LMCD1: variants seen among roughly 807,000 people sequenced by gnomAD.
LMCD1 encodes the protein LIM and cysteine-rich domains protein 1.
LMCD1 carries 32 observed loss-of-function variants against 42.7 expected under a neutral mutation model. The observed-to-expected ratio is 0.75, with a 90% CI of 0.57 to 1.01. The LOEUF (loss-of-function observed/expected upper bound fraction) is 1.01. Ranked by LOEUF, LMCD1 falls within the 50% of genes least tolerant of loss-of-function variation. The probability of loss-of-function intolerance (pLI) is 0.00; values close to 1 mark genes in which losing one functional copy is unlikely to be tolerated. For missense variants in LMCD1, 458 were observed against 483.1 expected (o/e 0.95, Z 0.49); for synonymous variants, 178 against 184.9 (o/e 0.96, Z 0.30).
At chr3:8,506,582 T>C (rs1009537193) in intron 1 of LMCD1, among the ~76,000 whole-genome samples, 1 of 152,208 alleles carries the variant, frequency 6.6e-6, no homozygotes, top group Non-Finnish European at 1.5e-5. Context: ...AGTATTCAAT[T>C]TGACTTTAGG....
chr3:8,540,504 T>G (rs1265596458), intron 3 of LMCD1, among the ~76,000 whole-genome samples: 3 of 152,210 alleles, frequency 2.0e-5, no homozygotes, highest in Non-Finnish European at 4.4e-5. Context: ...CCACAGCCGA[T>G]GTAAGTGACA....
intron 1 of LMCD1, among the ~76,000 whole-genome samples, chr3:8,520,636 A>G (rs1291271665): frequency 6.6e-6 from 1 of 152,212 alleles, no homozygotes; most frequent in Non-Finnish European, 1.5e-5. Flanking sequence ...TGGCTTTACT[A>G]CATTTTCCGA....
rs1695163687 is a variant in LMCD1 at position 8,568,352 on chromosome 3, G to A, written c.*754G>A. On this transcript the variant is annotated 3_prime_UTR_variant, in exon 6 of 6. Coordinates refer to ENST00000157600, the MANE Select transcript of LMCD1 (RefSeq NM_014583.4). ...TTTATGGTACACTGAAAAGTGGCCT[G>A]CTGGGAACTGATGAGCTTCTCTTTA... 1 of 152,222 alleles carries A rather than the reference G, an allele frequency of 6.6e-6. No homozygotes were observed. The highest frequency in any genetic ancestry group is 1.5e-5 in the Non-Finnish European group (1 of 68,072). 9.4% of individuals were successfully genotyped at this position (152,222 alleles called of 1,614,324 possible).
At chr3:8,513,793 T>C (rs1694046771) in intron 1 of LMCD1, among the ~76,000 whole-genome samples, 1 of 152,208 alleles carries the variant, frequency 6.6e-6, no homozygotes, top group African/African-American at 2.4e-5. Context: ...TCTTTTCCTC[T>C]GGAGGCAGTA....
rs866185946 is a variant in LMCD1 at position 8,568,768 on chromosome 3, G to A, written c.*1170G>A. The stretch of plus-strand genomic sequence containing the variant: ...TTAATTTCTTTCCCACAGTTTCTAA[G>A]AAAAACATATTTTTCTACTGGGAGT... On this transcript the variant is annotated 3_prime_UTR_variant, in exon 6 of 6. Coordinates refer to ENST00000157600, the MANE Select transcript of LMCD1 (RefSeq NM_014583.4). The A allele has an allele frequency of 6.6e-6, 1 of 152,100 alleles. No homozygotes were observed. The highest frequency in any genetic ancestry group is 2.1e-4 in the South Asian group (1 of 4,830). 9.4% of individuals were successfully genotyped at this position (152,100 alleles called of 1,614,324 possible). A position where few individuals can be genotyped will look rare whatever the true frequency, so the allele number is the denominator to read the frequency against.
At chr3:8,559,845 C>T (rs1001020853) in intron 4 of LMCD1, among the ~76,000 whole-genome samples, 1 of 152,178 alleles carries the variant, frequency 6.6e-6, no homozygotes, top group Non-Finnish European at 1.5e-5. Flanking sequence ...CTTACCTGGA[C>T]ATCTTGTTTT....
At chr3:8,545,429 A>G (rs529033453) in intron 3 of LMCD1, among the ~76,000 whole-genome samples, 18 of 152,222 alleles carry the variant, frequency 1.2e-4, no homozygotes, top group African/African-American at 4.3e-4. Context: ...TATTAGCAAA[A>G]TTCATATTTC....
At chr3:8,553,219 C>T (rs1236079652) in intron 4 of LMCD1, among the ~76,000 whole-genome samples, 4 of 152,066 alleles carry the variant, frequency 2.6e-5, no homozygotes, top group Non-Finnish European at 5.9e-5. Flanking sequence ...CCGACACACA[C>T]ACCAGCTGTG....
chr3:8,512,778 T>C (rs1257535363), intron 1 of LMCD1, among the ~76,000 whole-genome samples: 1 of 152,190 alleles, frequency 6.6e-6, no homozygotes, highest in African/African-American at 2.4e-5. Flanking sequence ...AAATTAACTT[T>C]TAAGAGGTAG....
chr3:8,543,440 T>TAGATAGATAGATAGAC lies in LMCD1; in HGVS notation c.388-5125_388-5124insTAGATAGATAGACAGA, dbSNP rs1414608408. On this transcript the variant is annotated intron_variant, in intron 3 of 5. Transcript: ENST00000157600. ...ATAGATAGATAGATAGATAGATAGA[T>TAGATAGATAGATAGAC]AGACAGACAGACAGAGAGATAGACA... Among the ~76,000 whole-genome samples, 379 of 134,210 alleles carry TAGATAGATAGATAGAC rather than the reference T, an allele frequency of 2.8e-3. 5 individuals carry two copies. The highest frequency in any genetic ancestry group is 0.027 in the Middle Eastern group (7 of 256). The allele number at this position is 134,210 out of a possible 152,430, so 88.0% of individuals were successfully genotyped here. A position where few individuals can be genotyped will look rare whatever the true frequency, so the allele number is the denominator to read the frequency against.
At chr3:8,542,753 A>T (rs1037533100) in intron 3 of LMCD1, among the ~76,000 whole-genome samples, 1 of 152,224 alleles carries the variant, frequency 6.6e-6, no homozygotes, top group African/African-American at 2.4e-5. Flanking sequence ...TGTCTCTATC[A>T]CATACTAGCT....
intron 1 of LMCD1, among the ~76,000 whole-genome samples, chr3:8,504,265 G>A (rs191553013): frequency 1.3e-5 from 2 of 152,298 alleles, no homozygotes; most frequent in East Asian, 1.9e-4. Flanking sequence ...TAAGTACTAC[G>A]TGATATCAGC....
rs184241040 is a variant in LMCD1 at position 8,529,193 on chromosome 3, C to T, written c.43-3544C>T. On this transcript the variant is annotated intron_variant, in intron 1 of 5. Transcript: ENST00000157600. ...TTTTCCCCTCCTCAGTAAACAAGAT[C>T]GTTCTCTCTGTGTTGAAGATAGCGG... Among the ~76,000 whole-genome samples, 13 of 152,268 alleles carry T rather than the reference C, an allele frequency of 8.5e-5. No individual in the cohort carries two copies. In the East Asian group the frequency reaches 1.5e-3, roughly 18 times the overall value.
At chr3:8,526,134 C>A (rs140803987) in intron 1 of LMCD1, among the ~76,000 whole-genome samples, 2 of 152,168 alleles carry the variant, frequency 1.3e-5, no homozygotes, top group Admixed American at 1.3e-4. Flanking sequence ...AAGGAGCACT[C>A]CCCTCCTCAC....
intron 1 of LMCD1, among the ~76,000 whole-genome samples, chr3:8,511,970 A>G (rs904510391): frequency 6.6e-6 from 1 of 152,228 alleles, no homozygotes; most frequent in African/African-American, 2.4e-5. Flanking sequence ...ACAGCAGGAA[A>G]AAAAGGTAGC....
Position 8,565,559 on chromosome 3 carries a change from A to C in LMCD1, c.851A>C (p.Asp284Ala). 6.2e-7 allele frequency: 1 copy of C among 1,614,016 alleles called. No homozygotes were observed. The highest frequency in any genetic ancestry group is 2.2e-5 in the East Asian group (1 of 44,866). ...VCAKCSEPLV[D>A]LIYFWKDGAP... ...GCCAAGTGCTCCGAGCCGCTGGTGG[A>C]CCTCATCTACTTCTGGAAGGATGGT... Residue 284 changes from aspartate (D) to alanine (A), a missense_variant, in exon 5 of 6, where the codon GAC becomes GCC. Transcript: ENST00000157600.
intron 2 of LMCD1, among the ~76,000 whole-genome samples, chr3:8,533,571 C>T (rs948839130): frequency 2.0e-5 from 3 of 152,102 alleles, no homozygotes; most frequent in Non-Finnish European, 2.9e-5. Flanking sequence ...TTGCCTTGAG[C>T]GCTCAGTGGG....
chr3:8,523,835 A>C (rs6808916), intron 1 of LMCD1, among the ~76,000 whole-genome samples: 8,560 of 152,256 alleles, frequency 0.056, 488 homozygotes, highest in African/African-American at 0.13. Flanking sequence ...ACCCCCTGGC[A>C]TCCTCCTCTG....
chr3:8,532,580 C>G (rs1335710667), intron 1 of LMCD1, among the ~76,000 whole-genome samples, 157 bp from the exon 2 acceptor site: 1 of 152,194 alleles, frequency 6.6e-6, no homozygotes, highest in Non-Finnish European at 1.5e-5. Context: ...GTTTGGTCTT[C>G]TCAGTTCCCG....
Sources: allele counts gnomAD v4.1 joint callset (sites outside exome capture counted in the v4.1 genomes callset), GRCh38; gene constraint gnomAD v4.1.1; transcripts MANE v1.5; gene names NCBI Gene and HGNC (gene_info 2026-07-23, HGNC 2026-07-21).